The following CYP2W1 variants were observed in gnomAD, a reference collection of about 807,000 sequenced individuals.
The protein encoded by CYP2W1 is cytochrome P450 family 2 subfamily W member 1.
A neutral mutation model predicts 44.9 loss-of-function variants in CYP2W1; 51 were observed. The observed-to-expected ratio is 1.14, with a 90% CI of 0.91 to 1.43. The LOEUF (loss-of-function observed/expected upper bound fraction) is 1.43. CYP2W1 is among the 40% of genes most tolerant of loss of function. The pLI is 0.00. For synonymous variants in CYP2W1, 383 were observed against 338.3 expected, an observed-to-expected ratio of 1.13 and a Z score of -1.45; for missense variants, 746 against 700.0, an observed-to-expected ratio of 1.07 and a Z score of -0.74.
chr7:988,403 C>G lies in CYP2W1; in HGVS notation c.1270C>G (p.Leu424Val). The G allele has an allele frequency of 6.2e-7, 1 of 1,612,574 alleles. No homozygotes were observed. ...GCACTTTGTGAAGCGGGAGGCCTTC[C>G]TGCCTTTCTCTGCAGGTCAGCAGCC... ...NGHFVKREAF[L>V]PFSAGRRVCV... The change falls in exon 8 of 9, where the codon CTG (leucine) becomes GTG (valine). Residue 424 changes from leucine (L) to valine (V), a missense_variant. Leu to Val is a conservative substitution (Grantham distance 32). Coordinates refer to ENST00000308919, the MANE Select transcript of CYP2W1 (RefSeq NM_017781.3).
Position 987,550 on chromosome 7 carries a change from T to C in CYP2W1, c.1143+19T>C, listed in dbSNP as rs954940852. On this transcript the variant is annotated intron_variant, in intron 7 of 8. Coordinates refer to ENST00000308919, the MANE Select transcript of CYP2W1 (RefSeq NM_017781.3). ...CCCCAAGGTGGGGCTGGGCCTCCCT[T>C]GCCCCTTCCATCTCCTCTGGGGTAG... The C allele has an allele frequency of 6.7e-7, 1 of 1,502,946 alleles. No homozygotes were observed. The highest frequency in any genetic ancestry group is 8.9e-7 in the Non-Finnish European group (1 of 1,124,396). The allele number at this position is 1,502,946 out of a possible 1,614,324, so 93.1% of individuals were successfully genotyped here. A position where few individuals can be genotyped will look rare whatever the true frequency, so the allele number is the denominator to read the frequency against.
chr7:985,399 C>T, intron 4 of CYP2W1, 76 bp downstream of exon 4: 1 of 1,462,300 alleles, frequency 6.8e-7, no homozygotes, highest in African/African-American at 1.4e-5. Flanking sequence ...ACGGGGGCCC[C>T]AGTGCTGTCC....
Position 988,267 on chromosome 7 carries a change from G to T in CYP2W1, c.1144-10G>T, listed in dbSNP as rs769200481. On this transcript the variant is annotated splice_polypyrimidine_tract_variant and intron_variant, in intron 7 of 8. Coordinates refer to ENST00000308919, the MANE Select transcript of CYP2W1 (RefSeq NM_017781.3). ...GGGCCCCTCTCTCTGTGCCCCGGCT[G>T]CCCCCACAGGGCACGCCCGTGATTC... 1 of 1,566,822 alleles carries T rather than the reference G, an allele frequency of 6.4e-7. No individual in the cohort carries two copies. Among genetic ancestry groups the T allele is most frequent in the Non-Finnish European group, 8.7e-7 (1 of 1,152,522 alleles).
Position 988,660 on chromosome 7 carries a change from C to A in CYP2W1, c.1311C>A (p.Arg437=), listed in dbSNP as rs151322437. Residue 437 remains arginine (R), a synonymous_variant, in exon 9 of 9, where the codon CGC becomes CGA. Coordinates refer to ENST00000308919, the MANE Select transcript of CYP2W1 (RefSeq NM_017781.3). ...SAGRRVCVGE[R]LARTELFLLF... ...GCCGCCGCGTCTGTGTTGGGGAGCG[C>A]CTGGCCAGGACCGAGCTCTTCCTGC... 1.9e-6 allele frequency: 3 copies of A among 1,601,524 alleles called. No individual in the cohort carries two copies. The South Asian group carries it at 3.3e-5, about 18-fold the overall frequency.
rs1283943012 is a variant in CYP2W1 at position 987,421 on chromosome 7, C to T, written c.1033C>T (p.Pro345Ser). 3 of 1,593,740 alleles carry T rather than the reference C, an allele frequency of 1.9e-6. No homozygotes were observed. Among genetic ancestry groups the T allele is most frequent in the East Asian group, 2.2e-5 (1 of 44,658 alleles). Residue 345 changes from proline (P) to serine (S), a missense_variant, in exon 7 of 9, where the codon CCC (proline) becomes TCC (serine). Coordinates refer to ENST00000308919, the MANE Select transcript of CYP2W1 (RefSeq NM_017781.3). The stretch of plus-strand genomic sequence containing the variant: ...CCGGCTGGAGGACCAGCAGGCTCTG[C>T]CCTACACAAGCGCCGTGCTCCACGA... ...TPRLEDQQAL[P>S]YTSAVLHEVQ...
At position 987,471 on chromosome 7, in the gene CYP2W1, G is replaced by A. The variant is rs1213482053; in HGVS notation, c.1083G>A (p.Leu361=). ...LHEVQRFITL[L]PHVPRCTAAD... ...AGGTGCAGCGGTTCATCACGCTCCT[G>A]CCGCACGTGCCCCGCTGCACCGCGG... is the stretch of plus-strand genomic sequence containing the variant. The change falls in exon 7 of 9, where the codon CTG becomes CTA. Residue 361 remains leucine, a synonymous_variant. Coordinates refer to ENST00000308919, the MANE Select transcript of CYP2W1 (RefSeq NM_017781.3). 1.9e-6 allele frequency: 3 copies of A among 1,560,912 alleles called. No homozygotes were observed. In the African/African-American group the frequency reaches 4.1e-5, roughly 21 times the overall value.
rs373008734 is a variant in CYP2W1 at position 986,689 on chromosome 7, C to T, written c.711C>T (p.Ile237=). Residue 237 remains isoleucine, a synonymous_variant, in exon 5 of 9, where the codon ATC becomes ATT. Coordinates refer to ENST00000308919, the MANE Select transcript of CYP2W1 (RefSeq NM_017781.3). ...TGCACCGGCCCGTCCTGCGCAAGAT[C>T]GAGGAGGTCCGTGCCATTCTGAGGA... ...LQLHRPVLRK[I]EEVRAILRTL... is the part of the protein sequence containing the mutation. The T allele has an allele frequency of 4.2e-5, 67 of 1,612,506 alleles. No individual in the cohort carries two copies. The highest frequency in any genetic ancestry group is 5.3e-5 in the Non-Finnish European group (63 of 1,179,876).
rs370308301 is a variant in CYP2W1, at chr7:988,369, C to A, written c.1236C>A (p.Asp412Glu). Reference sequence around the variant, plus strand: ...AGTTCAACCCCGGCCATTTCCTGGACGCGAATGGGCACTTTGTGAAGCGGG... The same window carrying A: ...AGTTCAACCCCGGCCATTTCCTGGAAGCGAATGGGCACTTTGTGAAGCGGG... ...PGQFNPGHFL[D>E]ANGHFVKREA... Residue 412 changes from aspartate (D) to glutamate (E), a missense_variant, in exon 8 of 9, where the codon GAC (aspartate) becomes GAA (glutamate). Coordinates refer to ENST00000308919, the MANE Select transcript of CYP2W1 (RefSeq NM_017781.3). 2 of 1,612,552 alleles carry A rather than the reference C, an allele frequency of 1.2e-6. No individual in the cohort carries two copies. The highest frequency in any genetic ancestry group is 1.7e-6 in the Non-Finnish European group (2 of 1,179,828).
chr7:987,599 CT>C, intron 7 of CYP2W1, 68 bp downstream of exon 7: 1 of 1,383,590 alleles, frequency 7.2e-7, no homozygotes, highest in Non-Finnish European at 9.6e-7. Flanking sequence ...TCCAGGGGCA[CT>C]GGGACGGCTG....
At chr7:987,650 C>T (rs80133931) in intron 7 of CYP2W1, 119 bp downstream of exon 7, 82,720 of 1,023,116 alleles carry the variant, frequency 0.081, 3,963 homozygotes, top group South Asian at 0.13. Flanking sequence ...GCTCCCCGAC[C>T]GGAGGCAATA....
At position 989,135 on chromosome 7, in the gene CYP2W1, G is replaced by C; in HGVS notation, c.*313G>C. 1 of 389,814 alleles carries C rather than the reference G, an allele frequency of 2.6e-6. No homozygotes were observed. The highest frequency in any genetic ancestry group is 4.6e-6 in the Non-Finnish European group (1 of 217,028). The allele number at this position is 389,814 out of a possible 1,614,324, so 24.1% of individuals were successfully genotyped here. Reference sequence around the variant, plus strand: ...CTCCCACCCACCTAGCTCCCCCCAGGGCCCCCCAGCACCTACAGCTGGGGC... The same window carrying C: ...CTCCCACCCACCTAGCTCCCCCCAGCGCCCCCCAGCACCTACAGCTGGGGC... On this transcript the variant is annotated 3_prime_UTR_variant, in exon 9 of 9. Transcript: ENST00000308919.
intron 4 of CYP2W1, chr7:986,406 C>G: frequency 1.7e-6 from 1 of 597,852 alleles, no homozygotes; most frequent in Non-Finnish European, 3.0e-6. Context: ...GCTGTGCAAA[C>G]CTGCCTGGCT....
intron 5 of CYP2W1, 40 bp downstream of exon 5, chr7:986,837 G>T (rs1400986630): frequency 1.4e-6 from 2 of 1,475,928 alleles, no homozygotes; most frequent in African/African-American, 2.8e-5. Flanking sequence ...GCCTGTAGGG[G>T]TCCTGAGGGA....
intron 1 of CYP2W1, among the ~76,000 whole-genome samples, 186 bp downstream of exon 1, chr7:983,571 A>G (rs1848087426): frequency 6.6e-6 from 1 of 152,094 alleles, no homozygotes; most frequent in African/African-American, 2.4e-5. Context: ...TCCCACAGGG[A>G]AGCAGACACA....
intron 7 of CYP2W1, among the ~76,000 whole-genome samples, chr7:987,758 G>GT (rs915342484): frequency 6.6e-6 from 1 of 151,954 alleles, no homozygotes; most frequent in Non-Finnish European, 1.5e-5. Context: ...TGCATGTCCT[G>GT]GGGTCCCCTC....
In CYP2W1 at chr7:989,336, C is replaced by G. The variant is rs1000530616; in HGVS notation, c.*514C>G. The G allele has an allele frequency of 6.2e-6, 1 of 160,086 alleles. No homozygotes were observed. Among genetic ancestry groups the G allele is most frequent in the African/African-American group, 2.4e-5 (1 of 41,638 alleles). The allele number at this position is 160,086 out of a possible 1,614,324, so 9.9% of individuals were successfully genotyped here. On this transcript the variant is annotated 3_prime_UTR_variant, in exon 9 of 9. Coordinates refer to ENST00000308919, the MANE Select transcript of CYP2W1 (RefSeq NM_017781.3). Reference sequence around the variant, plus strand: ...GGCAGTCGGCCTGCAGTGCCAGACTCTGAGCCAAGCCACTGGGGCCATGCG... The same window carrying G: ...GGCAGTCGGCCTGCAGTGCCAGACTGTGAGCCAAGCCACTGGGGCCATGCG...
rs868301995 is a variant in CYP2W1, at chr7:989,127, C to T, written c.*305C>T. 4 of 388,236 alleles carry T rather than the reference C, an allele frequency of 1.0e-5. No individual in the cohort carries two copies. The highest frequency in any genetic ancestry group is 8.6e-5 in the South Asian group (1 of 11,608). 24.0% of individuals were successfully genotyped at this position (388,236 alleles called of 1,614,324 possible). A position where few individuals can be genotyped will look rare whatever the true frequency, so the allele number is the denominator to read the frequency against. ...AAGCTGCACTCCCACCCACCTAGCT[C>T]CCCCCAGGGCCCCCCAGCACCTACA... is the stretch of plus-strand genomic sequence containing the variant. On this transcript the variant is annotated 3_prime_UTR_variant, in exon 9 of 9. Coordinates refer to ENST00000308919, the MANE Select transcript of CYP2W1 (RefSeq NM_017781.3).
In CYP2W1 at chr7:988,737, G is replaced by T. The variant is rs766501059; in HGVS notation, c.1388G>T (p.Ser463Ile). 1 of 1,599,470 alleles carries T rather than the reference G, an allele frequency of 6.3e-7. No individual in the cohort carries two copies. The highest frequency in any genetic ancestry group is 8.5e-7 in the Non-Finnish European group (1 of 1,179,572). ...RYRLLPPPGV[S>I]PASLDTTPAR... Reference sequence around the variant, plus strand: ...CGCCTGCTGCCCCCGCCTGGCGTCAGTCCGGCCTCCCTGGACACCACGCCC... The same window carrying T: ...CGCCTGCTGCCCCCGCCTGGCGTCATTCCGGCCTCCCTGGACACCACGCCC... Residue 463 changes from serine (S) to isoleucine (I), a missense_variant, in exon 9 of 9, where the codon AGT becomes ATT. Coordinates refer to ENST00000308919, the MANE Select transcript of CYP2W1 (RefSeq NM_017781.3).
intron 4 of CYP2W1, among the ~76,000 whole-genome samples, chr7:985,532 G>C (rs1848272069): frequency 6.6e-6 from 1 of 152,182 alleles, no homozygotes; most frequent in Non-Finnish European, 1.5e-5. Context: ...TCCAGGAAAT[G>C]GGGGATCCCC....
Sources: allele counts gnomAD v4.1 joint callset (sites outside exome capture counted in the v4.1 genomes callset), GRCh38; gene constraint gnomAD v4.1.1; transcripts MANE v1.5; gene names NCBI Gene and HGNC (gene_info 2026-07-23, HGNC 2026-07-21).